HTR2C: variants seen among roughly 807,000 people sequenced by gnomAD.
HTR2C encodes 5-hydroxytryptamine (serotonin) receptor 2C, G protein-coupled.
In HTR2C, 5 loss-of-function variants were observed where a neutral mutation model predicts 21.0. That is an observed-to-expected ratio of 0.24 (90% CI 0.12 to 0.50). HTR2C has a LOEUF of 0.50. HTR2C is among the 20% of genes least tolerant of loss of function. The pLI is 0.98. For missense variants in HTR2C, 271 were observed against 371.2 expected (o/e 0.73, Z 2.22); for synonymous variants, 150 against 145.3 (o/e 1.03, Z -0.23).
chrX:114,699,180 C>G (rs781782922), intron 2 of HTR2C, among the ~76,000 whole-genome samples: 5 of 111,851 alleles, frequency 4.5e-5, no homozygotes, highest in African/African-American at 6.5e-5. Context: ...TAAGCTATGA[C>G]TTTTTAATAT....
intron 2 of HTR2C, among the ~76,000 whole-genome samples, chrX:114,701,738 A>T (rs1932513826): frequency 1.8e-5 from 2 of 112,409 alleles, no homozygotes; most frequent in Admixed American, 9.4e-5. Flanking sequence ...TGAGAGAAGA[A>T]GGCTTCAGAC....
intron 5 of HTR2C, among the ~76,000 whole-genome samples, chrX:114,903,061 C>T: frequency 8.9e-6 from 1 of 111,911 alleles, no homozygotes; most frequent in Non-Finnish European, 1.9e-5. Flanking sequence ...GAAAGGAAAA[C>T]CTAGCAAGCT....
chrX:114,744,732 T>G (rs1298014099), intron 4 of HTR2C, among the ~76,000 whole-genome samples: 2 of 111,485 alleles, frequency 1.8e-5, no homozygotes, highest in African/African-American at 6.5e-5. Flanking sequence ...GATTACAGGC[T>G]TGAGCCACCG....
At chrX:114,755,674 T>A (rs144926041) in intron 4 of HTR2C, among the ~76,000 whole-genome samples, 72 of 111,226 alleles carry the variant, frequency 6.5e-4, no homozygotes, top group Non-Finnish European at 1.3e-3. Flanking sequence ...GGGGGGTCAT[T>A]TTTCACCCTA....
chrX:114,783,748 C>T (rs1184069589), intron 4 of HTR2C, among the ~76,000 whole-genome samples: 8 of 110,076 alleles, frequency 7.3e-5, no homozygotes, highest in East Asian at 2.8e-4. Context: ...GTTCTCTGAC[C>T]GTAAACATAT....
intron 1 of HTR2C, among the ~76,000 whole-genome samples, chrX:114,609,756 C>G (rs1457594128): frequency 2.7e-5 from 3 of 111,852 alleles, no homozygotes; most frequent in African/African-American, 9.7e-5. Flanking sequence ...ATGAAAATAT[C>G]GTTTTGAACA....
intron 5 of HTR2C, among the ~76,000 whole-genome samples, chrX:114,887,307 C>T (rs1326998376): frequency 1.8e-5 from 2 of 111,271 alleles, no homozygotes; most frequent in African/African-American, 6.5e-5. Context: ...GCTCTCTTCA[C>T]GGCCTTTCCT....
chrX:114,796,996 T>C (rs17095575), intron 4 of HTR2C, among the ~76,000 whole-genome samples: 2,321 of 112,025 alleles, frequency 0.021, 60 homozygotes, highest in African/African-American at 0.071. Flanking sequence ...ACTCCTTGGA[T>C]AAATGTGAGA....
intron 5 of HTR2C, among the ~76,000 whole-genome samples, chrX:114,899,256 T>A (rs2071319115): frequency 1.8e-5 from 2 of 111,722 alleles, no homozygotes; most frequent in Non-Finnish European, 3.8e-5. Flanking sequence ...GGTGGCTGGC[T>A]GGAATTCCAA....
At chrX:114,600,309 A>G (rs1232235964) in intron 1 of HTR2C, among the ~76,000 whole-genome samples, 1 of 112,117 alleles carries the variant, frequency 8.9e-6, no homozygotes, top group Admixed American at 9.5e-5. Context: ...TATGCCAAAT[A>G]CTCATGCACA....
chrX:114,814,775 AT>A (rs1556453821), intron 4 of HTR2C, among the ~76,000 whole-genome samples: 1 of 101,758 alleles, frequency 9.8e-6, no homozygotes. Flanking sequence ...AGTATATATA[AT>A]AATATTATAT....
chrX:114,794,609 G>A (rs1363528827), intron 4 of HTR2C, among the ~76,000 whole-genome samples: 9 of 95,772 alleles, frequency 9.4e-5, no homozygotes, highest in Non-Finnish European at 1.4e-4. Context: ...TCCCACCTAT[G>A]AGTGAGAACA....
chrX:114,876,010 CTT>C (rs782404223), intron 5 of HTR2C, among the ~76,000 whole-genome samples: 1 of 109,653 alleles, frequency 9.1e-6, no homozygotes, highest in South Asian at 3.8e-4. Flanking sequence ...AGTATTGACA[CTT>C]TAAAAATATT....
At position 114,620,316 on chromosome X, in the gene HTR2C, T is replaced by G. The variant is rs184637998; in HGVS notation, c.-80+6435T>G. On this transcript the variant is annotated intron_variant, in intron 2 of 5. Transcript: ENST00000276198. ...AATAAGTTTCACTTGCCCTGTTTCA[T>G]GCAGCACGAGGTTCACATTCACATT... Among the ~76,000 whole-genome samples, 185 of 112,478 alleles carry G rather than the reference T, an allele frequency of 1.6e-3. 2 individuals are homozygous for G. Among genetic ancestry groups the G allele is most frequent in the African/African-American group, 5.8e-3 (179 of 31,027 alleles).
intron 4 of HTR2C, among the ~76,000 whole-genome samples, chrX:114,774,657 G>A (rs2070038690): frequency 8.9e-6 from 1 of 112,019 alleles, no homozygotes. Flanking sequence ...CTTATAAAGT[G>A]CAATGTTATT....
intron 4 of HTR2C, among the ~76,000 whole-genome samples, chrX:114,795,108 T>C (rs782726755): frequency 9.0e-6 from 1 of 111,298 alleles, no homozygotes; most frequent in South Asian, 3.8e-4. Context: ...GGTTTTGATT[T>C]GCATTTCTCT....
chrX:114,611,986 C>T (rs781910857), intron 1 of HTR2C, among the ~76,000 whole-genome samples: 3 of 112,072 alleles, frequency 2.7e-5, no homozygotes, highest in South Asian at 7.4e-4. Flanking sequence ...TGTGAGCCAC[C>T]GTGCCTGGCC....
intron 2 of HTR2C, among the ~76,000 whole-genome samples, chrX:114,726,223 C>T (rs1425860370): frequency 3.6e-5 from 4 of 112,427 alleles, no homozygotes; most frequent in Non-Finnish European, 5.6e-5. Flanking sequence ...CCTGGTGCGC[C>T]GTTTTTTAAG....
chrX:114,605,044 G>T (rs1308386339), intron 1 of HTR2C, among the ~76,000 whole-genome samples: 77 of 111,194 alleles, frequency 6.9e-4, no homozygotes, highest in African/African-American at 2.5e-3. Flanking sequence ...GACCTTTTAG[G>T]GTCTAGGGCT....
Sources: gnomAD v4.1 joint callset for allele counts (sites outside exome capture counted in the v4.1 genomes callset) on GRCh38, gnomAD v4.1.1 for gene constraint, MANE v1.5 for transcripts, NCBI Gene and HGNC (gene_info 2026-07-23, HGNC 2026-07-21) for gene names.